SLC4A8: variants seen among roughly 807,000 people sequenced by gnomAD.
The protein encoded by SLC4A8 is electroneutral sodium bicarbonate exchanger 1.
In SLC4A8, 40 loss-of-function variants were observed where a neutral mutation model predicts 125.0. The observed-to-expected ratio is 0.32, with a 90% CI of 0.25 to 0.42. SLC4A8 has a LOEUF of 0.42. Ranked by LOEUF, SLC4A8 falls within the 10% of genes least tolerant of loss-of-function variation. The probability of loss-of-function intolerance (pLI) is 1.00; values close to 1 mark genes in which losing one functional copy is unlikely to be tolerated. For missense variants in SLC4A8, 863 were observed against 1,355.1 expected, an observed-to-expected ratio of 0.64 and a Z score of 5.70; for synonymous variants, 456 against 476.0, an observed-to-expected ratio of 0.96 and a Z score of 0.55.
intron 17 of SLC4A8, 25 bp from the exon 18 acceptor site, chr12:51,488,673 CA>C (rs780597925): frequency 8.2e-6 from 13 of 1,579,104 alleles, no homozygotes; most frequent in Non-Finnish European, 9.5e-6. Flanking sequence ...ACTTAAAATA[CA>C]AAAATAATAT....
At chr12:51,441,528 G>A (rs1011557577) in intron 2 of SLC4A8, among the ~76,000 whole-genome samples, 16 of 152,294 alleles carry the variant, frequency 1.1e-4, no homozygotes, top group African/African-American at 3.9e-4. Flanking sequence ...ACCTGGCCAT[G>A]GTTTTCTAAT....
chr12:51,434,035 C>G (rs1003104691), intron 1 of SLC4A8, among the ~76,000 whole-genome samples: 18 of 151,924 alleles, frequency 1.2e-4, no homozygotes, highest in African/African-American at 4.4e-4. Context: ...CCACCACACC[C>G]AGCTAATTTT....
intron 1 of SLC4A8, among the ~76,000 whole-genome samples, chr12:51,401,021 G>A (rs1161304643): frequency 1.3e-5 from 2 of 151,330 alleles, no homozygotes; most frequent in East Asian, 3.9e-4. Flanking sequence ...TTTAGGGCCC[G>A]GCTGCTGAAA....
In SLC4A8 at chr12:51,462,313, T is replaced by A; in HGVS notation, c.1105T>A (p.Phe369Ile). The change falls in exon 10 of 25, where the codon TTT becomes ATT. Residue 369 changes from phenylalanine (F) to isoleucine (I), a missense_variant. By Grantham distance (21) the Phe-to-Ile change is conservative. Around this residue, in one of 6 missense-constraint regions of SLC4A8, gnomAD observed 390 missense variants for 634.4 expected, o/e 0.61. Transcript: ENST00000453097. Reference protein sequence around the residue: ...SMATIMTDEIFHDVAYKAKER... With the variant: ...SMATIMTDEIIHDVAYKAKER... ...GAGGGTTTTCTCTTCTCTGTAGATT[T>A]TTCATGACGTAGCATATAAGGCAAA... 1 of 1,613,972 alleles carries A rather than the reference T, an allele frequency of 6.2e-7. No homozygotes were observed. Among genetic ancestry groups the A allele is most frequent in the Non-Finnish European group, 8.5e-7 (1 of 1,179,878 alleles).
At chr12:51,487,256 A>G (rs1019854481) in intron 17 of SLC4A8, among the ~76,000 whole-genome samples, 3 of 152,170 alleles carry the variant, frequency 2.0e-5, no homozygotes, top group African/African-American at 7.2e-5. Flanking sequence ...ATCACATGGC[A>G]CTCAACTCCC....
chr12:51,431,896 C>T (rs1299804562), intron 1 of SLC4A8, among the ~76,000 whole-genome samples: 1 of 152,076 alleles, frequency 6.6e-6, no homozygotes. Context: ...CATGATTAGT[C>T]CATCTGACTA....
rs142799046 is a variant in SLC4A8, at chr12:51,442,854, A to G, written c.130+2065A>G. Among the ~76,000 whole-genome samples, 17 of 152,254 alleles carry G rather than the reference A, an allele frequency of 1.1e-4. No individual in the cohort carries two copies. The East Asian group carries it at 3.1e-3, about 28-fold the overall frequency. ...CTCCGAAGGGCAGCCCTAGGACTCAATGAGGCTGTACTCAGGGTAGTGTTA... is the reference window on the plus strand; with the variant it reads ...CTCCGAAGGGCAGCCCTAGGACTCAGTGAGGCTGTACTCAGGGTAGTGTTA... On this transcript the variant is annotated intron_variant, in intron 2 of 24. Coordinates refer to ENST00000453097, the MANE Select transcript of SLC4A8 (RefSeq NM_001039960.3).
chr12:51,492,487 A>G (rs1951343719), intron 19 of SLC4A8, among the ~76,000 whole-genome samples: 1 of 152,148 alleles, frequency 6.6e-6, no homozygotes, highest in African/African-American at 2.4e-5. Flanking sequence ...GGAAGAGCCT[A>G]AACGTTGCTG....
intron 11 of SLC4A8, among the ~76,000 whole-genome samples, chr12:51,466,205 C>A (rs2138271664): frequency 6.6e-6 from 1 of 152,250 alleles, no homozygotes; most frequent in African/African-American, 2.4e-5. Flanking sequence ...TTGACTAAGG[C>A]AGGGATGCCA....
In SLC4A8 at chr12:51,514,042, CA is replaced by C. The variant is rs1242188103; in HGVS notation, c.*6605del. The C allele has an allele frequency of 6.6e-6, 1 of 152,384 alleles. No homozygotes were observed. Among genetic ancestry groups the C allele is most frequent in the African/African-American group, 2.4e-5 (1 of 41,446 alleles). The allele number at this position is 152,384 out of a possible 1,614,324, so 9.4% of individuals were successfully genotyped here. A position where few individuals can be genotyped will look rare whatever the true frequency, so the allele number is the denominator to read the frequency against. On this transcript the variant is annotated 3_prime_UTR_variant, in exon 25 of 25. Coordinates refer to ENST00000453097, the MANE Select transcript of SLC4A8 (RefSeq NM_001039960.3). The stretch of plus-strand genomic sequence containing the variant: ...CTGAGTCTCAAGTTTTCCTGAAGCA[CA>C]GGAGCAGGCTTGGCCCCAGAGCCCC...
chr12:51,435,099 A>G (rs1197931103), intron 1 of SLC4A8, among the ~76,000 whole-genome samples: 2 of 152,124 alleles, frequency 1.3e-5, no homozygotes, highest in African/African-American at 4.8e-5. Context: ...ACTTTCAGTA[A>G]ATTGGTATTT....
At chr12:51,416,829 C>T (rs536092694) in intron 1 of SLC4A8, among the ~76,000 whole-genome samples, 18 of 152,262 alleles carry the variant, frequency 1.2e-4, no homozygotes, top group Non-Finnish European at 1.0e-4. Context: ...CTTAACACTG[C>T]AGCATGCATC....
intron 17 of SLC4A8, among the ~76,000 whole-genome samples, chr12:51,486,378 G>C (rs992509451): frequency 6.6e-6 from 1 of 152,144 alleles, no homozygotes; most frequent in Non-Finnish European, 1.5e-5. Context: ...ATGGAACTGA[G>C]AGGAGCCTCA....
At chr12:51,412,010 T>C (rs1240629909) in intron 1 of SLC4A8, among the ~76,000 whole-genome samples, 1 of 152,166 alleles carries the variant, frequency 6.6e-6, no homozygotes, top group Non-Finnish European at 1.5e-5. Context: ...TGCAGTGAGC[T>C]GTGATGGTGC....
At chr12:51,490,476 T>C (rs1951280866) in intron 19 of SLC4A8, among the ~76,000 whole-genome samples, 1 of 145,266 alleles carries the variant, frequency 6.9e-6, no homozygotes, top group African/African-American at 2.6e-5. Flanking sequence ...GGCGGGAGAA[T>C]GGCGTGAACC....
chr12:51,394,201 C>T (rs937143879), intron 1 of SLC4A8, among the ~76,000 whole-genome samples: 4 of 152,204 alleles, frequency 2.6e-5, no homozygotes, highest in East Asian at 1.9e-4. Flanking sequence ...CTGAGAGGGC[C>T]GGGCCCAGCT....
At chr12:51,454,146 A>T (rs1360535184) in intron 5 of SLC4A8, among the ~76,000 whole-genome samples, 2 of 152,110 alleles carry the variant, frequency 1.3e-5, no homozygotes, top group Non-Finnish European at 2.9e-5. Flanking sequence ...AAAATACAAA[A>T]ATTAGCCAGG....
intron 1 of SLC4A8, among the ~76,000 whole-genome samples, chr12:51,418,039 A>T (rs1452081881): frequency 6.6e-6 from 1 of 152,206 alleles, no homozygotes; most frequent in Non-Finnish European, 1.5e-5. Flanking sequence ...TTTACTGGAG[A>T]CAGTAATCCT....
Position 51,459,951 on chromosome 12 carries a change from G to A in SLC4A8, c.856G>A (p.Val286Ile). 1.9e-6 allele frequency: 3 copies of A among 1,612,044 alleles called. No homozygotes were observed. The highest frequency in any genetic ancestry group is 2.5e-6 in the Non-Finnish European group (3 of 1,179,080). ...TCAGATGTTTCTTTTGGACTTTCAGGTAGACCTTCATTTCATGAAAAAAAT... is the reference window on the plus strand; with the variant it reads ...TCAGATGTTTCTTTTGGACTTTCAGATAGACCTTCATTTCATGAAAAAAAT... ...CEHSPVDLSK[V>I]DLHFMKKIPT... is the part of the protein sequence containing the mutation. Residue 286 changes from valine (V) to isoleucine (I), a missense_variant and splice_region_variant, in exon 8 of 25, where the codon GTA becomes ATA. Physicochemically the swap from Val to Ile is conservative, Grantham distance 29. This residue lies in a region of SLC4A8 where 390 missense variants were observed against 634.4 expected (regional missense o/e 0.61). Coordinates refer to ENST00000453097, the MANE Select transcript of SLC4A8 (RefSeq NM_001039960.3).
Sources: allele counts gnomAD v4.1 joint callset (sites outside exome capture counted in the v4.1 genomes callset), GRCh38; gene constraint gnomAD v4.1.1; regional missense constraint gnomAD v4.1.1; transcripts MANE v1.5; gene names NCBI Gene and HGNC (gene_info 2026-07-23, HGNC 2026-07-21).